Variants in UBE2L3 observed in about 807,000 individuals in gnomAD.
UBE2L3 encodes the protein ubiquitin-conjugating enzyme E2 L3.
Under a neutral mutation model 17.8 loss-of-function variants are expected in UBE2L3, and 1 was observed. That is an observed-to-expected ratio of 0.06 (90% CI 0.02 to 0.27). The LOEUF is 0.27. Ranked by LOEUF, UBE2L3 falls within the 10% of genes least tolerant of loss-of-function variation. The probability of loss-of-function intolerance (pLI) is 1.00; values close to 1 mark genes in which losing one functional copy is unlikely to be tolerated. For missense variants in UBE2L3, 40 were observed against 192.6 expected, an observed-to-expected ratio of 0.21 and a Z score of 4.69; for synonymous variants, 44 against 68.5, an observed-to-expected ratio of 0.64 and a Z score of 1.76.
chr22:21,605,230 A>T (rs901405120), intron 2 of UBE2L3, among the ~76,000 whole-genome samples: 3 of 152,058 alleles, frequency 2.0e-5, no homozygotes, highest in Non-Finnish European at 4.4e-5. Context: ...ACCTTGCTCT[A>T]TCGCCTAGGC....
At chr22:21,571,569 C>T (rs528632041) in intron 1 of UBE2L3, among the ~76,000 whole-genome samples, 1 of 152,244 alleles carries the variant, frequency 6.6e-6, no homozygotes, top group African/African-American at 2.4e-5. Context: ...CCACCACTCC[C>T]TGCTAATTTT....
chr22:21,559,798 G>T (rs1024586973), intron 1 of UBE2L3, among the ~76,000 whole-genome samples: 3 of 152,194 alleles, frequency 2.0e-5, no homozygotes, highest in African/African-American at 7.2e-5. Context: ...GTTTGAGGGT[G>T]CAGGGAGGAC....
At chr22:21,573,862 A>C (rs1400398187) in intron 1 of UBE2L3, among the ~76,000 whole-genome samples, 2 of 152,196 alleles carry the variant, frequency 1.3e-5, no homozygotes, top group Admixed American at 1.3e-4. Context: ...ATTTTACCCC[A>C]GATTGGCATG....
chr22:21,616,796 C>A (rs1172775773), intron 3 of UBE2L3, among the ~76,000 whole-genome samples: 1 of 150,814 alleles, frequency 6.6e-6, no homozygotes, highest in Non-Finnish European at 1.5e-5. Context: ...CATTGCATAT[C>A]TTTTTGGGTT....
intron 1 of UBE2L3, among the ~76,000 whole-genome samples, chr22:21,578,267 G>A (rs1022772545): frequency 6.6e-6 from 1 of 151,932 alleles, no homozygotes; most frequent in Non-Finnish European, 1.5e-5. Flanking sequence ...GGCTGAGGCA[G>A]GAGAATGGTG....
chr22:21,612,671 T>TTTTTA, intron 3 of UBE2L3, among the ~76,000 whole-genome samples: 1 of 126,470 alleles, frequency 7.9e-6, no homozygotes, highest in African/African-American at 3.5e-5. Context: ...TTTTTTTTTT[T>TTTTTA]GAGACGGAGT....
At chr22:21,563,906 A>C (rs1601386565), upstream of UBE2L3, among the ~76,000 whole-genome samples, 1 of 151,858 alleles carries the variant, frequency 6.6e-6, no homozygotes, top group South Asian at 2.1e-4. Flanking sequence ...TAGTCTTTCT[A>C]TGTTGCCCAG....
intron 1 of UBE2L3, among the ~76,000 whole-genome samples, chr22:21,577,322 C>T (rs780614150): frequency 7.9e-5 from 12 of 152,000 alleles, no homozygotes; most frequent in South Asian, 2.1e-4. Flanking sequence ...CCAGGCTGGT[C>T]GTGAACTCCT....
At chr22:21,605,920 T>C (rs539576142) in intron 2 of UBE2L3, among the ~76,000 whole-genome samples, 7 of 150,794 alleles carry the variant, frequency 4.6e-5, no homozygotes, top group South Asian at 4.2e-4. Flanking sequence ...CCTCCTGCCT[T>C]AGCCTCCCAA....
intron 1 of UBE2L3, among the ~76,000 whole-genome samples, chr22:21,581,111 G>A (rs1023486487): frequency 4.7e-5 from 7 of 148,768 alleles, no homozygotes; most frequent in Non-Finnish European, 8.9e-5. Flanking sequence ...CTGGAGTGCA[G>A]TGGTGCAATC....
chr22:21,597,671 A>ACACTGTTGC (rs1928604726), intron 2 of UBE2L3, among the ~76,000 whole-genome samples: 3 of 151,354 alleles, frequency 2.0e-5, no homozygotes, highest in South Asian at 4.2e-4. Flanking sequence ...GATTTTTAAG[A>ACACTGTTGC]CACTGTTGCC....
At chr22:21,618,495 G>C (rs1568989903) in intron 3 of UBE2L3, among the ~76,000 whole-genome samples, 1 of 151,962 alleles carries the variant, frequency 6.6e-6, no homozygotes, top group Non-Finnish European at 1.5e-5. Context: ...AGCCTGGGAG[G>C]CGGAGCTTGC....
upstream of UBE2L3, among the ~76,000 whole-genome samples, chr22:21,563,241 CA>C (rs34642040): frequency 0.021 from 1,139 of 54,402 alleles, 20 homozygotes; most frequent in African/African-American, 0.062. Context: ...GACTCCGTCT[CA>C]AAAAAAAAAA....
At chr22:21,562,982 G>A (rs1486899080), upstream of UBE2L3, among the ~76,000 whole-genome samples, 1 of 151,342 alleles carries the variant, frequency 6.6e-6, no homozygotes, top group African/African-American at 2.4e-5. Flanking sequence ...GGCGGCTCAC[G>A]CCTGTAATCC....
At chr22:21,567,981 C>T (rs1267325753) in intron 1 of UBE2L3, 3 of 1,366,130 alleles carry the variant, frequency 2.2e-6, no homozygotes, top group South Asian at 1.8e-5. Flanking sequence ...CGCTGGGAGC[C>T]GCTGTCGGCC....
chr22:21,599,306 C>G (rs1345341393), intron 2 of UBE2L3, among the ~76,000 whole-genome samples: 1 of 152,172 alleles, frequency 6.6e-6, no homozygotes, highest in East Asian at 1.9e-4. Context: ...TCTGCCTTCT[C>G]TCTCCCCTAC....
At chr22:21,590,069 T>C (rs1928173917) in intron 1 of UBE2L3, among the ~76,000 whole-genome samples, 2 of 152,224 alleles carry the variant, frequency 1.3e-5, no homozygotes, top group Non-Finnish European at 2.9e-5. Context: ...CCTCACTGAC[T>C]GCTTCCTCTC....
intron 2 of UBE2L3, among the ~76,000 whole-genome samples, chr22:21,598,112 T>C (rs1928649792): frequency 6.7e-6 from 1 of 150,188 alleles, no homozygotes; most frequent in South Asian, 2.2e-4. Context: ...ATTTTAATAA[T>C]ATGAGTCTTT....
At position 21,621,776 on chromosome 22, in the gene UBE2L3, G is replaced by C. The variant is rs932554663; in HGVS notation, c.*107G>C. The stretch of plus-strand genomic sequence containing the variant: ...GGAAATTGACACGTGCCACCGCCTG[G>C]CGTTCGCTTGTGGCAGTTACTAACT... On this transcript the variant is annotated 3_prime_UTR_variant, in exon 4 of 4. Coordinates refer to ENST00000342192, the MANE Select transcript of UBE2L3 (RefSeq NM_003347.4). The C allele has an allele frequency of 2.6e-5, 21 of 811,854 alleles. No individual in the cohort carries two copies. The African/African-American group carries it at 3.7e-4, about 14-fold the overall frequency. 50.3% of individuals were successfully genotyped at this position (811,854 alleles called of 1,614,324 possible). A position where few individuals can be genotyped will look rare whatever the true frequency, so the allele number is the denominator to read the frequency against.
Sources: gnomAD v4.1 joint callset for allele counts (sites outside exome capture counted in the v4.1 genomes callset) on GRCh38, gnomAD v4.1.1 for gene constraint, MANE v1.5 for transcripts, NCBI Gene and HGNC (gene_info 2026-07-23, HGNC 2026-07-21) for gene names.